KIF16B: variants seen among roughly 807,000 people sequenced by gnomAD.
KIF16B encodes the protein kinesin family member 16B, also known as kinesin-like protein KIF16B.
Under a neutral mutation model 156.3 loss-of-function variants are expected in KIF16B, and 98 were observed. The observed-to-expected ratio is 0.63, with a 90% CI of 0.53 to 0.74. The LOEUF is 0.74. Among genes scored for constraint, KIF16B ranks in the 30% least tolerant of loss-of-function variants. KIF16B has a pLI of 0.00. For synonymous variants in KIF16B, 564 were observed against 583.7 expected (o/e 0.97, Z 0.49); for missense variants, 1,421 against 1,606.5 (o/e 0.88, Z 1.97).
At chr20:16,550,997 G>A (rs1239287789) in intron 1 of KIF16B, among the ~76,000 whole-genome samples, 2 of 152,162 alleles carry the variant, frequency 1.3e-5, no homozygotes, top group African/African-American at 4.8e-5. Context: ...TGGCTGATGT[G>A]ATGAAAATAA....
intron 23 of KIF16B, among the ~76,000 whole-genome samples, chr20:16,341,344 CT>C (rs2064136492): frequency 6.6e-6 from 1 of 152,156 alleles, no homozygotes. Flanking sequence ...TATAAACTTA[CT>C]GTATTCCTCT....
In KIF16B at chr20:16,427,218, T is replaced by G; in HGVS notation, c.1498A>C (p.Ser500Arg). The G allele has an allele frequency of 6.2e-7, 1 of 1,612,024 alleles. No individual in the cohort carries two copies. The highest frequency in any genetic ancestry group is 2.2e-5 in the East Asian group (1 of 44,778). The change falls in exon 15 of 26, where the codon AGT (serine) becomes CGT (arginine). Residue 500 changes from serine (S) to arginine (R), a missense_variant. By Grantham distance (110) the Ser-to-Arg change is moderately radical. Coordinates refer to ENST00000354981, the MANE Select transcript of KIF16B (RefSeq NM_024704.5). ...ATATTTTCAAAGATGCAATGCTCAC[T>G]CTCCAAGTCAAGGCCATGAAGAACT... ...DIVLHGLDLESEHCIFENIGG... is the reference protein window; with the variant it reads ...DIVLHGLDLEREHCIFENIGG...
At chr20:16,445,419 CGTGTGTGTGTGTGT>C (rs11467171) in intron 12 of KIF16B, among the ~76,000 whole-genome samples, 1 of 146,760 alleles carries the variant, frequency 6.8e-6, no homozygotes, top group African/African-American at 2.5e-5. Flanking sequence ...CATGTATATA[CGTGTGTGTGTGTGT>C]GTGTGTGTGT....
intron 1 of KIF16B, among the ~76,000 whole-genome samples, chr20:16,570,324 AT>A (rs993302082): frequency 1.2e-4 from 18 of 152,154 alleles, no homozygotes; most frequent in Middle Eastern, 3.2e-3. Flanking sequence ...TAGATTTCCA[AT>A]TTTTTAAGGG....
intron 12 of KIF16B, among the ~76,000 whole-genome samples, chr20:16,440,653 T>C (rs2066774437): frequency 6.6e-6 from 1 of 151,548 alleles, no homozygotes; most frequent in African/African-American, 2.4e-5. Context: ...AGAAGAAGGG[T>C]CTGGCTACCA....
chr20:16,485,022 A>G (rs564929939), intron 12 of KIF16B, among the ~76,000 whole-genome samples: 1 of 152,274 alleles, frequency 6.6e-6, no homozygotes, highest in African/African-American at 2.4e-5. Flanking sequence ...ACCCATGACT[A>G]CCTTTAGCCA....
chr20:16,432,510 A>C (rs1170297437), intron 12 of KIF16B, among the ~76,000 whole-genome samples: 1 of 152,198 alleles, frequency 6.6e-6, no homozygotes, highest in Non-Finnish European at 1.5e-5. Context: ...TAAGTATTAA[A>C]ACAACCTACG....
At chr20:16,386,502 G>C (rs1480130348) in intron 17 of KIF16B, among the ~76,000 whole-genome samples, 1 of 151,974 alleles carries the variant, frequency 6.6e-6, no homozygotes, top group African/African-American at 2.4e-5. Flanking sequence ...TGGAGATGGT[G>C]AATGTAAATA....
At chr20:16,521,855 G>A (rs1181636703) in intron 3 of KIF16B, among the ~76,000 whole-genome samples, 1 of 152,132 alleles carries the variant, frequency 6.6e-6, no homozygotes, top group Non-Finnish European at 1.5e-5. Context: ...GAAGAGATTG[G>A]GGGCCAATAT....
chr20:16,520,549 T>C (rs6135783), intron 3 of KIF16B, among the ~76,000 whole-genome samples: 36,275 of 152,124 alleles, frequency 0.24, 4,957 homozygotes, highest in East Asian at 0.36. Context: ...ATTGATAAAA[T>C]TCCCATTTTC....
intron 25 of KIF16B, among the ~76,000 whole-genome samples, chr20:16,297,665 C>T (rs932268045): frequency 4.1e-5 from 6 of 146,742 alleles, no homozygotes; most frequent in African/African-American, 1.3e-4. Flanking sequence ...TGTTGCACTC[C>T]AGCCTGGGCG....
At chr20:16,358,466 T>G (rs1198881746) in intron 22 of KIF16B, among the ~76,000 whole-genome samples, 2 of 152,212 alleles carry the variant, frequency 1.3e-5, no homozygotes, top group Non-Finnish European at 2.9e-5. Context: ...TGATGTTCAC[T>G]TCAAGACTCA....
intron 17 of KIF16B, among the ~76,000 whole-genome samples, chr20:16,392,204 T>C (rs2065384445): frequency 6.6e-6 from 1 of 152,222 alleles, no homozygotes; most frequent in Non-Finnish European, 1.5e-5. Context: ...GAGAGTCTAT[T>C]ATTTAATCAT....
chr20:16,397,468 T>C (rs1448980589), intron 17 of KIF16B, among the ~76,000 whole-genome samples: 1 of 152,222 alleles, frequency 6.6e-6, no homozygotes, highest in Non-Finnish European at 1.5e-5. Flanking sequence ...ACTTTGCTTT[T>C]AAAACTGCAA....
At chr20:16,537,549 A>T (rs941803421) in intron 1 of KIF16B, among the ~76,000 whole-genome samples, 1 of 151,570 alleles carries the variant, frequency 6.6e-6, no homozygotes. Context: ...TATTAAACAA[A>T]TGGCTCTTAC....
chr20:16,340,610 T>C (rs1327861043), intron 23 of KIF16B, among the ~76,000 whole-genome samples: 1 of 152,220 alleles, frequency 6.6e-6, no homozygotes, highest in African/African-American at 2.4e-5. Flanking sequence ...AATCTCTCTG[T>C]GCAGGCCTCA....
chr20:16,460,444 G>T (rs1441533276), intron 12 of KIF16B, among the ~76,000 whole-genome samples: 1 of 152,102 alleles, frequency 6.6e-6, no homozygotes, highest in Non-Finnish European at 1.5e-5. Flanking sequence ...AGTAGCAGGT[G>T]CCTGTAATCC....
At chr20:16,518,115 C>T (rs2069204950) in intron 3 of KIF16B, among the ~76,000 whole-genome samples, 1 of 152,020 alleles carries the variant, frequency 6.6e-6, no homozygotes, top group South Asian at 2.1e-4. Context: ...GGTCTGGAGG[C>T]GCAGAGACCC....
intron 17 of KIF16B, among the ~76,000 whole-genome samples, chr20:16,387,339 A>C (rs2065252598): frequency 6.6e-6 from 1 of 152,182 alleles, no homozygotes. Context: ...CACTGAGCTT[A>C]GATGTCTAGG....
Sources: allele counts gnomAD v4.1 joint callset (sites outside exome capture counted in the v4.1 genomes callset), GRCh38; gene constraint gnomAD v4.1.1; transcripts MANE v1.5; gene names NCBI Gene and HGNC (gene_info 2026-07-23, HGNC 2026-07-21).